The following PDE6B variants were observed in gnomAD, a reference collection of about 807,000 sequenced individuals.
PDE6B encodes the protein phosphodiesterase 6B.
PDE6B carries 106 observed loss-of-function variants against 109.0 expected under a neutral mutation model. The observed-to-expected ratio is 0.97, with a 90% CI of 0.83 to 1.14. PDE6B has a LOEUF of 1.14. PDE6B is among the 50% of genes most tolerant of loss of function. The probability of loss-of-function intolerance (pLI) is 0.00; values close to 1 mark genes in which losing one functional copy is unlikely to be tolerated. For synonymous variants in PDE6B, 490 were observed against 471.3 expected (o/e 1.04, Z -0.51); for missense variants, 1,193 against 1,155.6 (o/e 1.03, Z -0.47).
At chr4:669,390 C>T (rs1274771978) in intron 21 of PDE6B, among the ~76,000 whole-genome samples, 2 of 112,756 alleles carry the variant, frequency 1.8e-5, no homozygotes, top group African/African-American at 4.0e-5. Context: ...CTACCCCATG[C>T]TATCCCCCTA....
intron 9 of PDE6B, 128 bp downstream of exon 9, chr4:657,151 G>A: frequency 3.3e-6 from 4 of 1,197,138 alleles, no homozygotes; most frequent in South Asian, 2.5e-5. Flanking sequence ...GTATGCATGC[G>A]GCCAGGGAGA....
chr4:634,768 T>C lies in PDE6B; in HGVS notation c.560T>C (p.Val187Ala), dbSNP rs1269199153. The C allele has an allele frequency of 6.2e-7, 1 of 1,613,698 alleles. No individual in the cohort carries two copies. The highest frequency in any genetic ancestry group is 2.2e-5 in the East Asian group (1 of 44,880). The stretch of plus-strand genomic sequence containing the variant: ...CCCATCATGAATGGCAAAGACGTCG[T>C]GGCGGTGATCATGGCAGTGAACAAG... ...ATPIMNGKDV[V>A]AVIMAVNKLN... The change falls in exon 2 of 22, where the codon GTG (valine) becomes GCG (alanine). Residue 187 changes from valine to alanine, a missense_variant. Transcript: ENST00000496514.
At chr4:653,742 A>T in intron 3 of PDE6B, 110 bp from the exon 4 acceptor site, 1 of 1,208,512 alleles carries the variant, frequency 8.3e-7, no homozygotes, top group Non-Finnish European at 1.2e-6. Context: ...GCAGGTGGTC[A>T]GATCAGGGAG....
intron 3 of PDE6B, among the ~76,000 whole-genome samples, chr4:650,771 G>T (rs1033294109): frequency 1.3e-5 from 2 of 152,158 alleles, no homozygotes; most frequent in Non-Finnish European, 2.9e-5. Context: ...TCGGAGGTTG[G>T]AAGAGCCATT....
intron 3 of PDE6B, chr4:651,622 G>A (rs528265504): frequency 1.3e-4 from 20 of 152,340 alleles, no homozygotes; most frequent in African/African-American, 3.9e-4. Flanking sequence ...AGGCGCCGGG[G>A]CTGTGGAGAG....
At chr4:659,717 T>C (rs1296944264) in intron 11 of PDE6B, among the ~76,000 whole-genome samples, 2 of 151,664 alleles carry the variant, frequency 1.3e-5, no homozygotes, top group African/African-American at 2.4e-5. Flanking sequence ...TGTGCCCGTG[T>C]GTGCACCCAT....
At chr4:649,969 AC>A (rs1232220221) in intron 3 of PDE6B, among the ~76,000 whole-genome samples, 1 of 152,102 alleles carries the variant, frequency 6.6e-6, no homozygotes, top group Non-Finnish European at 1.5e-5. Flanking sequence ...CACCGCTGTC[AC>A]CCTGGTTTCA....
chr4:641,077 T>A (rs1039770620), intron 3 of PDE6B, among the ~76,000 whole-genome samples: 5 of 152,242 alleles, frequency 3.3e-5, no homozygotes, highest in African/African-American at 9.6e-5. Context: ...ACAAAGTAGC[T>A]TACTGGTATT....
intron 6 of PDE6B, 33 bp downstream of exon 6, chr4:654,921 G>A (rs373617029): frequency 1.4e-4 from 168 of 1,234,600 alleles, no homozygotes; most frequent in Non-Finnish European, 3.1e-5. Context: ...AGCGTCCCCG[G>A]GGGAGGGACC....
intron 1 of PDE6B, among the ~76,000 whole-genome samples, chr4:628,724 G>A (rs965924066): frequency 2.0e-5 from 3 of 152,224 alleles, no homozygotes; most frequent in African/African-American, 4.8e-5. Flanking sequence ...AGCCACCATG[G>A]AGGGAGGGGC....
Position 665,367 on chromosome 4 carries a change from G to A in PDE6B, c.2268+38G>A. On this transcript the variant is annotated intron_variant, in intron 19 of 21. Coordinates refer to ENST00000496514, the MANE Select transcript of PDE6B (RefSeq NM_000283.4). This position sits in a 1 kb window ranked among gnomAD's most constrained non-coding sequence, Gnocchi z 4.0. ...TCTGGAACCTTCCACTCCTGAAACG[G>A]GTGTTAGAGACCCCTCTTGGTCCTC... 2 of 1,440,974 alleles carry A rather than the reference G, an allele frequency of 1.4e-6. No homozygotes were observed. 89.3% of individuals were successfully genotyped at this position (1,440,974 alleles called of 1,614,324 possible).
chr4:653,865 C>G lies in PDE6B; in HGVS notation c.725C>G (p.Ser242Trp), dbSNP rs757587074. The G allele has an allele frequency of 6.2e-7, 1 of 1,613,676 alleles. No individual in the cohort carries two copies. The change falls in exon 4 of 22, where the codon TCG becomes TGG. Residue 242 changes from serine (S) to tryptophan (W), a missense_variant. Ser to Trp is a radical substitution (Grantham distance 177). Coordinates refer to ENST00000496514, the MANE Select transcript of PDE6B (RefSeq NM_000283.4). Reference protein sequence around the residue: ...ETRRGQVLLWSANKVFEELTD... With the variant: ...ETRRGQVLLWWANKVFEELTD... ...CCCTCCCTCCAGGTGCTGCTGTGGTCGGCCAACAAGGTGTTTGAGGAGCTG... is the reference window on the plus strand; with the variant it reads ...CCCTCCCTCCAGGTGCTGCTGTGGTGGGCCAACAAGGTGTTTGAGGAGCTG...
chr4:627,107 A>T (rs940670367), intron 1 of PDE6B, among the ~76,000 whole-genome samples: 1 of 151,136 alleles, frequency 6.6e-6, no homozygotes, highest in African/African-American at 2.4e-5. Context: ...CCTCCTTCCC[A>T]GGCAGCTGGG....
rs1736344790 is a variant in PDE6B at position 656,990 on chromosome 4, G to A, written c.1224G>A (p.Lys408=). 3 of 1,613,316 alleles carry A rather than the reference G, an allele frequency of 1.9e-6. No individual in the cohort carries two copies. The highest frequency in any genetic ancestry group is 1.1e-5 in the South Asian group (1 of 91,086). ...VATFYNRKDG[K]PFDEQDEVLM... ...CATTTTACAACAGGAAAGACGGGAA[G>A]CCCTTTGACGAACAGGACGAGGTTC... Residue 408 remains lysine, a synonymous_variant, in exon 9 of 22, where the codon AAG becomes AAA. Transcript: ENST00000496514.
intron 6 of PDE6B, chr4:655,563 C>A: frequency 2.6e-6 from 1 of 379,784 alleles, no homozygotes; most frequent in Non-Finnish European, 5.0e-6. Flanking sequence ...GGGGCCCCAG[C>A]ACGGCAGCCT....
intron 1 of PDE6B, among the ~76,000 whole-genome samples, chr4:630,650 G>A (rs1289354942): frequency 6.6e-6 from 1 of 152,254 alleles, no homozygotes; most frequent in African/African-American, 2.4e-5. Flanking sequence ...ACAAGGTACA[G>A]GGAAGGAGGA....
In PDE6B at chr4:665,029, C is replaced by T. The variant is rs1035366161; in HGVS notation, c.2193+85C>T. ...GGCGGGCGGGAGCCTCGGATGGCAACGGACCATTGTTTGCAAGGAGCTCTG... is the reference window on the plus strand; with the variant it reads ...GGCGGGCGGGAGCCTCGGATGGCAATGGACCATTGTTTGCAAGGAGCTCTG... On this transcript the variant is annotated intron_variant, in intron 18 of 21. Coordinates refer to ENST00000496514, the MANE Select transcript of PDE6B (RefSeq NM_000283.4). The surrounding 1 kb of genome is among the most constrained non-coding windows in gnomAD (Gnocchi z 4.0). The T allele has an allele frequency of 1.7e-5, 19 of 1,139,860 alleles. No homozygotes were observed. Among genetic ancestry groups the T allele is most frequent in the East Asian group, 4.8e-5 (2 of 42,056 alleles). The allele number at this position is 1,139,860 out of a possible 1,614,324, so 70.6% of individuals were successfully genotyped here.
intron 17 of PDE6B, 70 bp downstream of exon 17, chr4:664,291 A>C (rs1737521436): frequency 1.1e-6 from 1 of 873,428 alleles, no homozygotes; most frequent in African/African-American, 1.6e-5. Context: ...CCAGCTGGTT[A>C]ACCCTGCAGC....
At position 635,827 on chromosome 4, in the gene PDE6B, C is replaced by A. The variant is rs189710914; in HGVS notation, c.622-53C>A. 59 of 931,110 alleles carry A rather than the reference C, an allele frequency of 6.3e-5. No homozygotes were observed. In the East Asian group the frequency reaches 1.4e-3, roughly 22 times the overall value. The allele number at this position is 931,110 out of a possible 1,614,324, so 57.7% of individuals were successfully genotyped here. On this transcript the variant is annotated intron_variant, in intron 2 of 21. Coordinates refer to ENST00000496514, the MANE Select transcript of PDE6B (RefSeq NM_000283.4). ...TTCTCCTGCAAAATACCCACGGGGG[C>A]ACATGTCTGAAAACTGGAATTTTAA...
Sources: gnomAD v4.1 joint callset for allele counts (sites outside exome capture counted in the v4.1 genomes callset) on GRCh38, gnomAD v4.1.1 for gene constraint, Gnocchi (gnomAD v3.1) non-coding constraint, MANE v1.5 for transcripts, NCBI Gene and HGNC (gene_info 2026-07-23, HGNC 2026-07-21) for gene names.